The following NBAS variants were observed in gnomAD, a reference collection of about 807,000 sequenced individuals.
NBAS encodes NAG/BC035112 fusion.
In NBAS, 219 loss-of-function variants were observed where a neutral mutation model predicts 302.5. The ratio of observed to expected loss-of-function variants is 0.72; its 90% CI spans 0.65 to 0.81. The LOEUF is 0.81. NBAS is among the 30% of genes least tolerant of loss of function. The probability of loss-of-function intolerance (pLI) is 0.00; values close to 1 mark genes in which losing one functional copy is unlikely to be tolerated. For synonymous variants in NBAS, 1,118 were observed against 1,021.6 expected, an observed-to-expected ratio of 1.09 and a Z score of -1.80; for missense variants, 2,932 against 2,841.6, an observed-to-expected ratio of 1.03 and a Z score of -0.72.
the NBAS span, among the ~76,000 whole-genome samples, chr2:15,025,322 A>G: frequency 1.5e-4 from 23 of 152,106 alleles, no homozygotes; most frequent in Non-Finnish European, 2.5e-4. Flanking sequence ...CCATTGGTCT[A>G]TGTGTCTGTT....
At chr2:15,534,832 T>C (rs1246338018) in intron 8 of NBAS, among the ~76,000 whole-genome samples, 191 bp from the exon 9 acceptor site, 1 of 152,198 alleles carries the variant, frequency 6.6e-6, no homozygotes, top group African/African-American at 2.4e-5. Flanking sequence ...AAGTGTAGTT[T>C]TTTATAAAAA....
chr2:14,933,096 C>T, the NBAS span, among the ~76,000 whole-genome samples: 1 of 152,166 alleles, frequency 6.6e-6, no homozygotes, highest in African/African-American at 2.4e-5. Flanking sequence ...GTATAATCCT[C>T]TCATTTACAG....
chr2:15,077,950 G>A, the NBAS span, among the ~76,000 whole-genome samples: 4,054 of 152,092 alleles, frequency 0.027, 152 homozygotes, highest in African/African-American at 0.085. Flanking sequence ...CCAAAATGCT[G>A]GGATTACAGG....
At chr2:15,312,709 T>C (rs1337654572) in intron 38 of NBAS, among the ~76,000 whole-genome samples, 2 of 152,320 alleles carry the variant, frequency 1.3e-5, no homozygotes, top group African/African-American at 4.8e-5. Context: ...AAATTAATCA[T>C]TCTTTACCCA....
Position 15,167,199 on chromosome 2 carries a change from T to A in NBAS, c.6965A>T (p.Gln2322Leu). Reference sequence around the variant, plus strand: ...CAGCTCCTCTGCATCCCAGCGCCCTTGCTGGAGGCTAGCCAAGAGGTGGTC... The same window carrying A: ...CAGCTCCTCTGCATCCCAGCGCCCTAGCTGGAGGCTAGCCAAGAGGTGGTC... ...IVDHLLASLQQGRWDAEELGR... is the reference protein window; with the variant it reads ...IVDHLLASLQLGRWDAEELGR... Residue 2322 changes from glutamine to leucine, a missense_variant, in exon 52 of 52, where the codon CAA becomes CTA. Physicochemically the swap from Gln to Leu is moderately radical, Grantham distance 113. Transcript: ENST00000281513. The A allele has an allele frequency of 6.2e-7, 1 of 1,614,264 alleles. No homozygotes were observed. The highest frequency in any genetic ancestry group is 8.5e-7 in the Non-Finnish European group (1 of 1,180,050).
the NBAS span, among the ~76,000 whole-genome samples, chr2:14,914,496 AACCCATC>A: frequency 6.6e-6 from 1 of 152,196 alleles, no homozygotes; most frequent in African/African-American, 2.4e-5. Context: ...AGAGAGCTGA[AACCCATC>A]ACTCAGGGTT....
chr2:15,548,952 A>G (rs2148705804), intron 6 of NBAS, among the ~76,000 whole-genome samples: 1 of 152,312 alleles, frequency 6.6e-6, no homozygotes, highest in East Asian at 1.9e-4. Flanking sequence ...AGACAGGCTG[A>G]TTGCGAAAAG....
the NBAS span, among the ~76,000 whole-genome samples, chr2:14,803,639 GTTGT>G: frequency 2.8e-3 from 420 of 151,936 alleles, 1 homozygote; most frequent in Admixed American, 8.1e-3. Context: ...TCTTTTTGTT[GTTGT>G]TTGTTTGTTT....
the NBAS span, among the ~76,000 whole-genome samples, chr2:14,932,861 A>G: frequency 0.36 from 54,751 of 152,048 alleles, 10,072 homozygotes; most frequent in African/African-American, 0.45. Flanking sequence ...TGCTGTCAGT[A>G]TGGTTTCTAT....
At chr2:15,464,009 A>T (rs1432122494) in intron 19 of NBAS, among the ~76,000 whole-genome samples, 2 of 152,164 alleles carry the variant, frequency 1.3e-5, no homozygotes, top group Non-Finnish European at 2.9e-5. Flanking sequence ...AGAAACATGG[A>T]GAATAAAAGA....
At chr2:15,217,540 A>G (rs759849465) in intron 48 of NBAS, among the ~76,000 whole-genome samples, 4 of 152,246 alleles carry the variant, frequency 2.6e-5, no homozygotes, top group Non-Finnish European at 4.4e-5. Flanking sequence ...CGGTAGAATG[A>G]GTTGCAGTTA....
the NBAS span, among the ~76,000 whole-genome samples, chr2:15,018,981 G>C: frequency 2.4e-4 from 36 of 152,180 alleles, no homozygotes; most frequent in African/African-American, 8.2e-4. Context: ...GTTTGTCCAT[G>C]AACTGTGATT....
At chr2:14,825,106 G>A in the NBAS span, among the ~76,000 whole-genome samples, 32 of 152,258 alleles carry the variant, frequency 2.1e-4, no homozygotes, top group African/African-American at 7.0e-4. Flanking sequence ...GGTGCTTGTC[G>A]GGGTGTGGCA....
chr2:14,803,639 G>GT, the NBAS span, among the ~76,000 whole-genome samples: 1 of 151,822 alleles, frequency 6.6e-6, no homozygotes, highest in Non-Finnish European at 1.5e-5. Flanking sequence ...TCTTTTTGTT[G>GT]TTGTTTGTTT....
the NBAS span, among the ~76,000 whole-genome samples, chr2:15,116,940 T>C: frequency 3.3e-5 from 5 of 152,142 alleles, no homozygotes; most frequent in South Asian, 2.1e-4. Context: ...TTTGGAAAAG[T>C]GGAGTAATCA....
the NBAS span, among the ~76,000 whole-genome samples, chr2:15,051,214 C>T: frequency 6.6e-6 from 1 of 152,156 alleles, no homozygotes; most frequent in African/African-American, 2.4e-5. Flanking sequence ...GCCTCTTGTT[C>T]GGCTGTCTGT....
chr2:15,044,598 C>T, the NBAS span, among the ~76,000 whole-genome samples: 1 of 152,204 alleles, frequency 6.6e-6, no homozygotes, highest in African/African-American at 2.4e-5. Flanking sequence ...TGAGTTGAAA[C>T]TCCAAAGTCT....
At chr2:15,441,247 A>G (rs1298174756) in intron 21 of NBAS, among the ~76,000 whole-genome samples, 2 of 152,204 alleles carry the variant, frequency 1.3e-5, no homozygotes, top group African/African-American at 2.4e-5. Context: ...TGTTAAGGGC[A>G]GCCAGAGAGA....
chr2:15,047,645 G>C, the NBAS span, among the ~76,000 whole-genome samples: 2 of 151,854 alleles, frequency 1.3e-5, no homozygotes, highest in African/African-American at 4.8e-5. Context: ...GGTAAAGGCT[G>C]GGCCTGTGCA....
Sources: gnomAD v4.1 joint callset for allele counts (sites outside exome capture counted in the v4.1 genomes callset) on GRCh38, gnomAD v4.1.1 for gene constraint, MANE v1.5 for transcripts, NCBI Gene and HGNC (gene_info 2026-07-23, HGNC 2026-07-21) for gene names.